Variants in TBC1D26 observed in about 807,000 individuals in gnomAD.
The protein encoded by TBC1D26 is TBC1 domain family, member 26.
In TBC1D26, 19 loss-of-function variants were observed where a neutral mutation model predicts 42.5. The ratio of observed to expected loss-of-function variants is 0.45; its 90% CI spans 0.31 to 0.66. TBC1D26 has a LOEUF of 0.66. Among genes scored for constraint, TBC1D26 ranks in the 30% least tolerant of loss-of-function variants. The pLI, the probability that TBC1D26 is intolerant of heterozygous loss-of-function variation, is 0.06. For synonymous variants in TBC1D26, 97 were observed against 123.5 expected (o/e 0.79, Z 1.42); for missense variants, 228 against 332.6 (o/e 0.69, Z 2.45).
chr17:15,744,023 A>G (rs1483216880), intron 14 of TBC1D26, among the ~76,000 whole-genome samples: 2 of 151,950 alleles, frequency 1.3e-5, no homozygotes, highest in East Asian at 1.9e-4. Context: ...GGGCTGAACT[A>G]TTCAGAACTC....
chr17:15,738,563 C>A (rs545251756), intron 7 of TBC1D26, 158 bp from the exon 8 acceptor site: 1 of 1,389,428 alleles, frequency 7.2e-7, no homozygotes, highest in Non-Finnish European at 1.0e-6. Context: ...TCTGCTGACC[C>A]TCCCTGGTGT....
chr17:15,738,140 T>A, intron 6 of TBC1D26, 63 bp downstream of exon 6: 1 of 1,613,268 alleles, frequency 6.2e-7, no homozygotes, highest in Admixed American at 1.7e-5. Context: ...CAGGCACCCA[T>A]GGTTGTGACC....
chr17:15,743,630 C>T (rs72821706), intron 14 of TBC1D26, 114 bp downstream of exon 14: 10,923 of 225,816 alleles, frequency 0.048, 332 homozygotes, highest in Non-Finnish European at 0.064. Flanking sequence ...CCTCTTCTTC[C>T]TCCTCTTCCT....
chr17:15,743,554 C>G, intron 14 of TBC1D26, 38 bp downstream of exon 14: 1 of 912,712 alleles, frequency 1.1e-6, no homozygotes, highest in Non-Finnish European at 1.3e-6. Context: ...GAGTCACCCT[C>G]TGGGGCAGTC....
chr17:15,740,703 T>C (rs1274747609), intron 9 of TBC1D26: 2 of 1,085,012 alleles, frequency 1.8e-6, no homozygotes, highest in African/African-American at 3.3e-5. Context: ...CCACCCCTTA[T>C]GTCCGGCAGG....
chr17:15,740,563 A>G, intron 9 of TBC1D26: 1 of 1,146,610 alleles, frequency 8.7e-7, no homozygotes, highest in Non-Finnish European at 1.1e-6. Flanking sequence ...CCTGAACCCC[A>G]TAGGAGCATA....
intron 10 of TBC1D26, chr17:15,741,697 G>T: frequency 1.9e-6 from 1 of 540,446 alleles, no homozygotes; most frequent in Non-Finnish European, 3.3e-6. Flanking sequence ...TGTTCTCCCC[G>T]CTGGCGCCTG....
At chr17:15,734,795 C>A (rs1967566204) in intron 1 of TBC1D26, 135 bp from the exon 2 acceptor site, 1 of 180,124 alleles carries the variant, frequency 5.6e-6, no homozygotes, top group Non-Finnish European at 1.2e-5. Flanking sequence ...ACAGAGGCTG[C>A]TCTGGAGTCA....
Position 15,741,366 on chromosome 17 carries a change from T to A in TBC1D26, c.646+145T>A, listed in dbSNP as rs1967774412. ...CCCAGCTTGTTTGGAGCCTCCAGGA[T>A]GTCCCTGCTGAGGTCCTACAGCAGC... On this transcript the variant is annotated intron_variant, in intron 10 of 14. Coordinates refer to ENST00000437605, the MANE Select transcript of TBC1D26 (RefSeq NM_001388465.1). 5 of 1,460,176 alleles carry A rather than the reference T, an allele frequency of 3.4e-6. No homozygotes were observed. In the South Asian group the frequency reaches 6.5e-5, roughly 19 times the overall value. The allele number at this position is 1,460,176 out of a possible 1,614,324, so 90.5% of individuals were successfully genotyped here. A position where few individuals can be genotyped will look rare whatever the true frequency, so the allele number is the denominator to read the frequency against.
chr17:15,738,957 C>A, intron 8 of TBC1D26, 127 bp downstream of exon 8: 1 of 1,353,732 alleles, frequency 7.4e-7, no homozygotes, highest in Non-Finnish European at 1.0e-6. Context: ...CTCTCCTGGC[C>A]CAGGGAGCAG....
rs1967844782 is a variant in TBC1D26 at position 15,743,392 on chromosome 17, C to T, written c.933C>T (p.Ser311=). The stretch of plus-strand genomic sequence containing the variant: ...AGCACCTCATGAAGCTTTCCTGGAG[C>T]ACTGTCTGGGAGTTTCAGGAGCGAC... The part of the protein sequence containing the change: ...HRKHLMKLSW[S]TVWEFQERLS... Residue 311 remains serine, a synonymous_variant, in exon 14 of 15, where the codon AGC becomes AGT. Coordinates refer to ENST00000437605, the MANE Select transcript of TBC1D26 (RefSeq NM_001388465.1). 1.0e-6 allele frequency: 1 copy of T among 986,522 alleles called. No individual in the cohort carries two copies. The allele number at this position is 986,522 out of a possible 1,614,324, so 61.1% of individuals were successfully genotyped here. A position where few individuals can be genotyped will look rare whatever the true frequency, so the allele number is the denominator to read the frequency against.
intron 8 of TBC1D26, among the ~76,000 whole-genome samples, chr17:15,739,398 C>T (rs1426701949): frequency 5.9e-5 from 9 of 152,262 alleles, no homozygotes; most frequent in African/African-American, 1.7e-4. Context: ...TGACGTTCAC[C>T]GCTTGATTGA....
intron 1 of TBC1D26, among the ~76,000 whole-genome samples, chr17:15,733,386 C>T (rs1228106489): frequency 6.6e-6 from 1 of 152,088 alleles, no homozygotes; most frequent in Non-Finnish European, 1.5e-5. Flanking sequence ...GTGTGGAATC[C>T]GACCTTGCCA....
At chr17:15,735,188 G>A (rs1472452538) in intron 2 of TBC1D26, 118 bp downstream of exon 2, 10 of 808,464 alleles carry the variant, frequency 1.2e-5, no homozygotes, top group Admixed American at 7.6e-5. Context: ...CAGAGATCTA[G>A]TCAGGGGTGG....
chr17:15,741,256 G>T (rs2151503022), intron 10 of TBC1D26, 35 bp downstream of exon 10: 5 of 1,612,098 alleles, frequency 3.1e-6, no homozygotes, highest in East Asian at 2.2e-5. Context: ...GTGGACAGCT[G>T]CCCCCGGGGC....
At chr17:15,740,928 A>G (rs1357714434) in intron 9 of TBC1D26, 194 bp from the exon 10 acceptor site, 1 of 723,258 alleles carries the variant, frequency 1.4e-6, no homozygotes, top group East Asian at 2.8e-5. Flanking sequence ...GCTCCTTGTC[A>G]ACTGAGTTGT....
intron 5 of TBC1D26, 26 bp from the exon 6 acceptor site, chr17:15,737,971 T>G: frequency 6.2e-7 from 1 of 1,613,974 alleles, no homozygotes; most frequent in South Asian, 1.1e-5. Context: ...GCAGCTCCGC[T>G]AACTCCATCA....
intron 5 of TBC1D26, 73 bp from the exon 6 acceptor site, chr17:15,737,924 C>T (rs1967662825): frequency 1.2e-6 from 2 of 1,606,968 alleles, no homozygotes; most frequent in Admixed American, 3.3e-5. Context: ...CCCCAAAGCC[C>T]TGGACCCAGC....
intron 5 of TBC1D26, 115 bp from the exon 6 acceptor site, chr17:15,737,882 T>A: frequency 7.2e-7 from 1 of 1,382,352 alleles, no homozygotes; most frequent in South Asian, 1.2e-5. Context: ...GCCTGCCCTT[T>A]CCTGGCTTCT....
Sources: allele counts gnomAD v4.1 joint callset (sites outside exome capture counted in the v4.1 genomes callset), GRCh38; gene constraint gnomAD v4.1.1; transcripts MANE v1.5; gene names NCBI Gene and HGNC (gene_info 2026-07-23, HGNC 2026-07-21).